The following WFDC1 variants were observed in gnomAD, a reference collection of about 807,000 sequenced individuals.
WFDC1 encodes the protein WAP four-disulfide core domain 1.
In WFDC1, 39 loss-of-function variants were observed where a neutral mutation model predicts 32.9. The observed-to-expected ratio is 1.19, with a 90% CI of 0.92 to 1.55. The LOEUF (loss-of-function observed/expected upper bound fraction) is 1.55. Ranked by LOEUF, WFDC1 falls within the 40% of genes most tolerant of loss-of-function variation. WFDC1 has a pLI of 0.00. For missense variants in WFDC1, 386 were observed against 309.5 expected (o/e 1.25, Z -1.85); for synonymous variants, 184 against 137.4 (o/e 1.34, Z -2.37).
In WFDC1 at chr16:84,326,791, A is replaced by C. The variant is rs1908626541; in HGVS notation, c.605-91A>C. On this transcript the variant is annotated intron_variant, in intron 5 of 6. Coordinates refer to ENST00000219454, the MANE Select transcript of WFDC1 (RefSeq NM_021197.4). ...GGAGGGAGGAGAGGGCCAGGTCACC[A>C]GGCTTCATTTGGCAGTTCCTGGTGA... is the stretch of plus-strand genomic sequence containing the variant. 5 of 1,518,082 alleles carry C rather than the reference A, an allele frequency of 3.3e-6. No homozygotes were observed. The South Asian group carries it at 5.7e-5, about 17-fold the overall frequency. 94.0% of individuals were successfully genotyped at this position (1,518,082 alleles called of 1,614,324 possible).
rs556555444 is a variant in WFDC1 at position 84,319,339 on chromosome 16, C to T, written c.422-92C>T. Reference sequence around the variant, plus strand: ...CTCTCTGGGTGAGGTGCGTTCCCTGCACCCGTCCCGGGAGTCTGCCTTCTA... The same window carrying T: ...CTCTCTGGGTGAGGTGCGTTCCCTGTACCCGTCCCGGGAGTCTGCCTTCTA... On this transcript the variant is annotated intron_variant, in intron 3 of 6. Coordinates refer to ENST00000219454, the MANE Select transcript of WFDC1 (RefSeq NM_021197.4). The T allele has an allele frequency of 7.2e-6, 11 of 1,530,400 alleles. No homozygotes were observed. The East Asian group carries it at 2.3e-4, about 32-fold the overall frequency. 94.8% of individuals were successfully genotyped at this position (1,530,400 alleles called of 1,614,324 possible).
At chr16:84,327,080 GA>G in intron 6 of WFDC1, 125 bp downstream of exon 6, 1 of 912,576 alleles carries the variant, frequency 1.1e-6, no homozygotes, top group Non-Finnish European at 1.7e-6. Flanking sequence ...GGTAGAATTT[GA>G]AATTCCCTTC....
chr16:84,323,604 T>C (rs938423801), intron 4 of WFDC1, among the ~76,000 whole-genome samples: 38 of 152,208 alleles, frequency 2.5e-4, no homozygotes, highest in African/African-American at 9.2e-4. Context: ...TCACAATAAC[T>C]TTAAGAGGTA....
chr16:84,319,437 C>T lies in WFDC1; in HGVS notation c.428C>T (p.Ala143Val), dbSNP rs754448697. 7.5e-6 allele frequency: 12 copies of T among 1,609,910 alleles called. No homozygotes were observed. The highest frequency in any genetic ancestry group is 1.6e-4 in the Middle Eastern group (1 of 6,080). ...DGPEEVLQAE[A>V]CSTTEDGAEP... ...GCGTGTGTCCCTCCTGCAGCAGAGG[C>T]GTGCAGCACCACGGAGGATGGGGCC... The change falls in exon 4 of 7, where the codon GCG becomes GTG. Residue 143 changes from alanine (A) to valine (V), a missense_variant. Physicochemically the swap from Ala to Val is moderately conservative, Grantham distance 64. Transcript: ENST00000219454.
chr16:84,314,767 C>T (rs892309881), intron 2 of WFDC1, among the ~76,000 whole-genome samples: 4 of 152,204 alleles, frequency 2.6e-5, no homozygotes, highest in African/African-American at 9.6e-5. Flanking sequence ...GGTGGACAAG[C>T]ACATAAAGGC....
chr16:84,315,089 A>AG, intron 2 of WFDC1, among the ~76,000 whole-genome samples: 1 of 152,216 alleles, frequency 6.6e-6, no homozygotes, highest in South Asian at 2.1e-4. Context: ...AGAAGTGTTC[A>AG]TTGCCTTAGG....
chr16:84,315,557 C>T (rs533608845), intron 2 of WFDC1, among the ~76,000 whole-genome samples: 98 of 152,286 alleles, frequency 6.4e-4, no homozygotes, highest in African/African-American at 2.2e-3. Flanking sequence ...TGTCTAACAC[C>T]AGATTTCACA....
chr16:84,320,055 T>G (rs180789052), intron 4 of WFDC1, among the ~76,000 whole-genome samples: 9 of 152,342 alleles, frequency 5.9e-5, no homozygotes, highest in African/African-American at 2.2e-4. Context: ...GACTTTACGC[T>G]GGTGCAGAAG....
chr16:84,308,329 G>T (rs1245929809), intron 1 of WFDC1, among the ~76,000 whole-genome samples: 1 of 152,170 alleles, frequency 6.6e-6, no homozygotes, highest in Non-Finnish European at 1.5e-5. Context: ...GCAGGGCACT[G>T]GTGACACCGT....
intron 1 of WFDC1, among the ~76,000 whole-genome samples, chr16:84,301,584 C>T (rs1250538983): frequency 2.0e-5 from 3 of 152,062 alleles, no homozygotes; most frequent in African/African-American, 7.2e-5. Context: ...CCAGCAGCAC[C>T]CAGGAGGGGG....
chr16:84,302,097 ATGCTGAGTGCACAAAGGCCACGGG>A (rs1333957140), intron 1 of WFDC1, among the ~76,000 whole-genome samples: 1 of 152,168 alleles, frequency 6.6e-6, no homozygotes, highest in East Asian at 1.9e-4. Flanking sequence ...CGAAGACATG[ATGCTGAGTGCACAAAGGCCACGGG>A]TGTGTGACAC....
intron 4 of WFDC1, among the ~76,000 whole-genome samples, chr16:84,323,930 G>C (rs1232845743): frequency 2.6e-5 from 4 of 152,240 alleles, no homozygotes; most frequent in Non-Finnish European, 5.9e-5. Context: ...AGGCCAGCCT[G>C]ACCAACATGG....
At chr16:84,328,363 C>A (rs11149641) in intron 6 of WFDC1, 3 of 152,112 alleles carry the variant, frequency 2.0e-5, no homozygotes, top group Admixed American at 2.0e-4. Flanking sequence ...TCTACCCAGC[C>A]CCTGTGAATG....
intron 1 of WFDC1, among the ~76,000 whole-genome samples, chr16:84,309,102 C>T (rs1907455809): frequency 6.6e-6 from 1 of 152,196 alleles, no homozygotes; most frequent in South Asian, 2.1e-4. Context: ...CTCTGGTTGC[C>T]CGTCTGCTCT....
chr16:84,311,366 C>T (rs143038512), intron 1 of WFDC1, among the ~76,000 whole-genome samples: 1,964 of 149,098 alleles, frequency 0.013, 23 homozygotes, highest in Non-Finnish European at 0.021. Context: ...TACAGGTGCT[C>T]GCCACCACGC....
intron 6 of WFDC1, chr16:84,327,252 A>G (rs545501453): frequency 6.1e-5 from 21 of 343,236 alleles, no homozygotes; most frequent in African/African-American, 3.3e-4. Flanking sequence ...GTGCACTGGC[A>G]CAATCATTGT....
chr16:84,326,225 C>T (rs1365544290), intron 5 of WFDC1: 1 of 152,104 alleles, frequency 6.6e-6, no homozygotes, highest in Non-Finnish European at 1.5e-5. Context: ...CCCATCCATC[C>T]ATCCATCATT....
chr16:84,306,455 A>G (rs1185198638), intron 1 of WFDC1, among the ~76,000 whole-genome samples: 2 of 152,212 alleles, frequency 1.3e-5, no homozygotes, highest in Non-Finnish European at 2.9e-5. Flanking sequence ...GGAGCAGCGA[A>G]TCCTCAGAAA....
At chr16:84,315,218 A>C (rs756953440) in intron 2 of WFDC1, among the ~76,000 whole-genome samples, 1 of 152,116 alleles carries the variant, frequency 6.6e-6, no homozygotes, top group African/African-American at 2.4e-5. Flanking sequence ...CCTCCTTTAG[A>C]CCTATTTCCA....
Sources: allele counts gnomAD v4.1 joint callset (sites outside exome capture counted in the v4.1 genomes callset), GRCh38; gene constraint gnomAD v4.1.1; transcripts MANE v1.5; gene names NCBI Gene and HGNC (gene_info 2026-07-23, HGNC 2026-07-21).